The following RAPGEF3 variants were observed in gnomAD, a reference collection of about 807,000 sequenced individuals.
RAPGEF3 encodes the protein 9330170P05Rik.
In RAPGEF3, 103 loss-of-function variants were observed where a neutral mutation model predicts 129.8. The observed-to-expected ratio is 0.79, with a 90% CI of 0.68 to 0.93. The LOEUF (loss-of-function observed/expected upper bound fraction) is 0.93. Among genes scored for constraint, RAPGEF3 ranks in the 40% least tolerant of loss-of-function variants. RAPGEF3 has a pLI of 0.00. For synonymous variants in RAPGEF3, 436 were observed against 482.6 expected, an observed-to-expected ratio of 0.90 and a Z score of 1.26; for missense variants, 1,117 against 1,207.4, an observed-to-expected ratio of 0.93 and a Z score of 1.11.
Position 47,748,120 on chromosome 12 carries a change from T to C in RAPGEF3, c.1276A>G (p.Arg426Gly). The change falls in exon 13 of 28, where the codon AGG becomes GGG. Residue 426 changes from arginine to glycine, a missense_variant. Coordinates refer to ENST00000449771, the MANE Select transcript of RAPGEF3 (RefSeq NM_001098531.4). The part of the protein sequence containing the change: ...TFLSDFLLTH[R>G]VFMPSAQLCA... ...AGTTGGGCGCTGGGCATGAAGACCC[T>C]GTGGGTCAGGAGGAAGTCGCTGAGG... 6.3e-7 allele frequency: 1 copy of C among 1,589,288 alleles called. No individual in the cohort carries two copies. The highest frequency in any genetic ancestry group is 8.6e-7 in the Non-Finnish European group (1 of 1,167,578).
chr12:47,748,376 CA>C (rs1453482056), intron 12 of RAPGEF3, 77 bp downstream of exon 12: 1 of 1,349,488 alleles, frequency 7.4e-7, no homozygotes, highest in African/African-American at 1.4e-5. Flanking sequence ...ACGTCAGATG[CA>C]GGGTACCTGG....
chr12:47,738,630 G>C, intron 25 of RAPGEF3, 60 bp downstream of exon 25: 1 of 1,445,002 alleles, frequency 6.9e-7, no homozygotes, highest in South Asian at 1.1e-5. Flanking sequence ...CCCCTTCCCA[G>C]GCCACAGTCA....
intron 12 of RAPGEF3, 132 bp from the exon 13 acceptor site, chr12:47,748,284 T>G: frequency 1.0e-6 from 1 of 973,896 alleles, no homozygotes; most frequent in Non-Finnish European, 1.5e-6. Context: ...CCAGCCCCTG[T>G]GATAGTGCTC....
At chr12:47,743,794 G>T in intron 17 of RAPGEF3, 118 bp from the exon 18 acceptor site, 1 of 1,448,092 alleles carries the variant, frequency 6.9e-7, no homozygotes, top group Non-Finnish European at 9.5e-7. Context: ...GCTGCAGGTG[G>T]GGAGGCCCTG....
rs768783262 is a variant in RAPGEF3 at position 47,746,914 on chromosome 12, G to A, written c.1557-15C>T. The stretch of plus-strand genomic sequence containing the variant: ...CATTCTCCAACCTGCAGACAAGAGA[G>A]AAGGGAGGTGAGTGAGCCCAGGTAT... On this transcript the variant is annotated splice_polypyrimidine_tract_variant and intron_variant, in intron 15 of 27. Coordinates refer to ENST00000449771, the MANE Select transcript of RAPGEF3 (RefSeq NM_001098531.4). 1.9e-6 allele frequency: 3 copies of A among 1,603,510 alleles called. No homozygotes were observed. Among genetic ancestry groups the A allele is most frequent in the Non-Finnish European group, 2.6e-6 (3 of 1,176,352 alleles).
At position 47,736,301 on chromosome 12, in the gene RAPGEF3, A is replaced by C. The variant is rs1366700185; in HGVS notation, c.*1266T>G. On this transcript the variant is annotated 3_prime_UTR_variant, in exon 28 of 28. Transcript: ENST00000449771. ...TGGGGCTGAAGTGCAGAGGGGCCATACCAGCTGCCTCTGGACGCCCAAGGC... is the reference window on the plus strand; with the variant it reads ...TGGGGCTGAAGTGCAGAGGGGCCATCCCAGCTGCCTCTGGACGCCCAAGGC... The C allele has an allele frequency of 6.6e-6, 1 of 152,206 alleles. No individual in the cohort carries two copies. Among genetic ancestry groups the C allele is most frequent in the Non-Finnish European group, 1.5e-5 (1 of 68,072 alleles). 9.4% of individuals were successfully genotyped at this position (152,206 alleles called of 1,614,324 possible). A position where few individuals can be genotyped will look rare whatever the true frequency, so the allele number is the denominator to read the frequency against.
intron 18 of RAPGEF3, 64 bp from the exon 19 acceptor site, chr12:47,741,666 C>A: frequency 7.2e-7 from 1 of 1,386,830 alleles, no homozygotes; most frequent in Non-Finnish European, 1.0e-6. Context: ...CAGCTGGATG[C>A]CAGGGTGGAG....
In RAPGEF3 at chr12:47,748,800, A is replaced by G. The variant is rs1425018844; in HGVS notation, c.1154+19T>C. ...GAAAGGAGGGACAGTGTGGAGAGGGAGCATGGCAGGTGTATTACCGGTTCC... is the reference window on the plus strand; with the variant it reads ...GAAAGGAGGGACAGTGTGGAGAGGGGGCATGGCAGGTGTATTACCGGTTCC... On this transcript the variant is annotated intron_variant, in intron 11 of 27. Coordinates refer to ENST00000449771, the MANE Select transcript of RAPGEF3 (RefSeq NM_001098531.4). 3 of 1,509,548 alleles carry G rather than the reference A, an allele frequency of 2.0e-6. No individual in the cohort carries two copies. Among genetic ancestry groups the G allele is most frequent in the Non-Finnish European group, 2.8e-6 (3 of 1,084,714 alleles). The allele number at this position is 1,509,548 out of a possible 1,614,324, so 93.5% of individuals were successfully genotyped here.
intron 20 of RAPGEF3, 45 bp from the exon 21 acceptor site, chr12:47,740,868 C>T (rs777236861): frequency 1.1e-5 from 18 of 1,613,334 alleles, no homozygotes; most frequent in African/African-American, 1.1e-4. Context: ...TGAGCCGAGC[C>T]GGGCGCCCCG....
At chr12:47,757,810 G>GC (rs911559225) in intron 2 of RAPGEF3, 56 bp downstream of exon 2, 3 of 1,470,940 alleles carry the variant, frequency 2.0e-6, no homozygotes, top group Middle Eastern at 2.4e-4. Flanking sequence ...CATGATCTAG[G>GC]CCCCCCTCTA....
rs1945760862 is a variant in RAPGEF3, at chr12:47,749,094, C to T, written c.1042-163G>A. 2 of 663,928 alleles carry T rather than the reference C, an allele frequency of 3.0e-6. No homozygotes were observed. Among genetic ancestry groups the T allele is most frequent in the Non-Finnish European group, 5.2e-6 (2 of 383,640 alleles). 41.1% of individuals were successfully genotyped at this position (663,928 alleles called of 1,614,324 possible). On this transcript the variant is annotated intron_variant, in intron 10 of 27. Transcript: ENST00000449771. The surrounding 1 kb of genome is among the most constrained non-coding windows in gnomAD (Gnocchi z 4.5). ...GGCTCCACCTCCTCAGCCTTCCCTACCTTCCATGCATCCTGCCTCCCCCAC... is the reference window on the plus strand; with the variant it reads ...GGCTCCACCTCCTCAGCCTTCCCTATCTTCCATGCATCCTGCCTCCCCCAC...
At position 47,741,529 on chromosome 12, in the gene RAPGEF3, G is replaced by A; in HGVS notation, c.1899C>T (p.Val633=). 2 of 1,614,116 alleles carry A rather than the reference G, an allele frequency of 1.2e-6. No homozygotes were observed. Among genetic ancestry groups the A allele is most frequent in the Middle Eastern group, 1.7e-4 (1 of 6,060 alleles). ...SLGLNERLFV[V]NPQEVHELIP... ...CCAGCTCATGCACTTCCTGTGGGTT[G>A]ACAACAAAGAGACGCTCATTGAGCC... Residue 633 remains valine, a synonymous_variant, in exon 19 of 28, where the codon GTC becomes GTT. Coordinates refer to ENST00000449771, the MANE Select transcript of RAPGEF3 (RefSeq NM_001098531.4).
chr12:47,741,798 G>C lies in RAPGEF3; in HGVS notation c.1826-196C>G. 3.3e-6 allele frequency: 2 copies of C among 597,052 alleles called. 1 individual carries two copies. Among genetic ancestry groups the C allele is most frequent in the South Asian group, 3.9e-5 (2 of 51,842 alleles). The allele number at this position is 597,052 out of a possible 1,614,324, so 37.0% of individuals were successfully genotyped here. ...ACGCAGCCCAGGGAAGCACATCCAA[G>C]AGGATGAGGAAAGATTCTCAGTGAG... On this transcript the variant is annotated intron_variant, in intron 18 of 27. Coordinates refer to ENST00000449771, the MANE Select transcript of RAPGEF3 (RefSeq NM_001098531.4).
In RAPGEF3 at chr12:47,758,013, T is replaced by A. The variant is rs1393705148; in HGVS notation, c.72A>T (p.Gly24=). Residue 24 remains glycine (G), a synonymous_variant, in exon 2 of 28, where the codon GGA becomes GGT. Transcript: ENST00000449771. ...CAGGGAGGGCTCCCACCCGCGGTGC[T>A]CCCAGAGCTGGGCTATCCTCCACAG... ...GLAVEDSPAL[G]APRVGALPDV... is the part of the protein sequence containing the mutation. The A allele has an allele frequency of 1.3e-6, 2 of 1,575,518 alleles. No homozygotes were observed. The highest frequency in any genetic ancestry group is 4.7e-5 in the East Asian group (2 of 42,890).
At chr12:47,758,211 C>A in intron 1 of RAPGEF3, 133 bp from the exon 2 acceptor site, 1 of 1,439,670 alleles carries the variant, frequency 6.9e-7, no homozygotes, top group Non-Finnish European at 9.1e-7. Flanking sequence ...GCAACCCTGC[C>A]AGGAGCTGGG....
chr12:47,742,810 C>T (rs1208641016), intron 18 of RAPGEF3, among the ~76,000 whole-genome samples: 2 of 152,306 alleles, frequency 1.3e-5, no homozygotes, highest in African/African-American at 4.8e-5. Context: ...CCTAAGATGC[C>T]TTCACGGGTC....
rs773381104 is a variant in RAPGEF3, at chr12:47,740,157, G to A, written c.2357C>T (p.Ala786Val). 6.2e-7 allele frequency: 1 copy of A among 1,613,464 alleles called. No individual in the cohort carries two copies. Among genetic ancestry groups the A allele is most frequent in the East Asian group, 2.2e-5 (1 of 44,858 alleles). Residue 786 changes from alanine (A) to valine (V), a missense_variant, in exon 23 of 28, where the codon GCC (alanine) becomes GTC (valine). Transcript: ENST00000449771. Reference protein sequence around the residue: ...LPHKVRKLYSALERLLDPSWN... With the variant: ...LPHKVRKLYSVLERLLDPSWN... Reference sequence around the variant, plus strand: ...AGCACTCACCAGCAGCCTCTCGAGGGCGGAGTACAGCTTCCGGACTTTGTG... The same window carrying A: ...AGCACTCACCAGCAGCCTCTCGAGGACGGAGTACAGCTTCCGGACTTTGTG...
intron 17 of RAPGEF3, 113 bp downstream of exon 17, chr12:47,743,874 G>A (rs1051238393): frequency 7.0e-5 from 95 of 1,362,922 alleles, no homozygotes; most frequent in Non-Finnish European, 8.4e-5. Context: ...GGAGTACAGC[G>A]TGCCACCTTG....
rs931147288 is a variant in RAPGEF3, at chr12:47,735,323, G to A, written c.*2244C>T. Reference sequence around the variant, plus strand: ...GCCTGGGCTGCTAGGGAACACCAGAGGATGCCTCCTGCCCCACACCACCCC... The same window carrying A: ...GCCTGGGCTGCTAGGGAACACCAGAAGATGCCTCCTGCCCCACACCACCCC... On this transcript the variant is annotated 3_prime_UTR_variant, in exon 28 of 28. Coordinates refer to ENST00000449771, the MANE Select transcript of RAPGEF3 (RefSeq NM_001098531.4). The A allele has an allele frequency of 1.3e-5, 2 of 152,262 alleles. No individual in the cohort carries two copies. Among genetic ancestry groups the A allele is most frequent in the Non-Finnish European group, 2.9e-5 (2 of 68,102 alleles). 9.4% of individuals were successfully genotyped at this position (152,262 alleles called of 1,614,324 possible).
Sources: allele counts gnomAD v4.1 joint callset (sites outside exome capture counted in the v4.1 genomes callset), GRCh38; gene constraint gnomAD v4.1.1; non-coding constraint Gnocchi (gnomAD v3.1); transcripts MANE v1.5; gene names NCBI Gene and HGNC (gene_info 2026-07-23, HGNC 2026-07-21).